The following TRDN variants were observed in gnomAD, a reference collection of about 807,000 sequenced individuals.
TRDN encodes triadin in skeletal muscle.
A neutral mutation model predicts 149.7 loss-of-function variants in TRDN; 161 were observed. That is an observed-to-expected ratio of 1.08 (90% confidence interval 0.95 to 1.23). The LOEUF is 1.23. Ranked by LOEUF, TRDN falls within the 50% of genes most tolerant of loss-of-function variation. The pLI, the probability that TRDN is intolerant of heterozygous loss-of-function variation, is 0.00. For missense variants in TRDN, 896 were observed against 823.5 expected, an observed-to-expected ratio of 1.09 and a Z score of -1.08; for synonymous variants, 294 against 250.5, an observed-to-expected ratio of 1.17 and a Z score of -1.64.
At chr6:123,242,978 A>T (rs556299946) in intron 38 of TRDN, among the ~76,000 whole-genome samples, 3 of 152,254 alleles carry the variant, frequency 2.0e-5, no homozygotes, top group African/African-American at 7.2e-5. Flanking sequence ...CTCCAAAAGG[A>T]CTGTGTCCTG....
intron 10 of TRDN, among the ~76,000 whole-genome samples, chr6:123,461,066 T>C (rs1000271459): frequency 6.6e-6 from 1 of 152,178 alleles, no homozygotes; most frequent in African/African-American, 2.4e-5. Context: ...TAGGGTTCAC[T>C]CTGTTCTTCT....
Position 123,551,687 on chromosome 6 carries a change from C to CT in TRDN, c.233-3076dup, listed in dbSNP as rs529797335. On this transcript the variant is annotated intron_variant, in intron 2 of 40. Coordinates refer to ENST00000334268, the MANE Select transcript of TRDN (RefSeq NM_006073.4). ...ATGACATAGGTATATTATTTTATAC[C>CT]TTTTTTAAAAACATAGGAAAACTAA... Among the ~76,000 whole-genome samples, 8 of 151,642 alleles carry CT rather than the reference C, an allele frequency of 5.3e-5. No homozygotes were observed. The South Asian group carries it at 1.5e-3, about 28-fold the overall frequency.
At chr6:123,558,595 GC>G (rs999447411) in intron 2 of TRDN, among the ~76,000 whole-genome samples, 10 of 152,028 alleles carry the variant, frequency 6.6e-5, no homozygotes, top group Non-Finnish European at 1.5e-4. Context: ...ATGCTTTACA[GC>G]CCTATACCCT....
intron 1 of TRDN, among the ~76,000 whole-genome samples, chr6:123,630,034 G>C (rs1785902748): frequency 1.3e-5 from 2 of 151,958 alleles, no homozygotes; most frequent in Non-Finnish European, 2.9e-5. Context: ...GTGGGAACTG[G>C]AGACAGCAAA....
chr6:123,420,169 C>G lies in TRDN; in HGVS notation c.1051+17894G>C, dbSNP rs535852235. Reference sequence around the variant, plus strand: ...GGGCTTTAATAAACAAAATTACAATCATCTTAAATGATCTAATTGCTATTT... The same window carrying G: ...GGGCTTTAATAAACAAAATTACAATGATCTTAAATGATCTAATTGCTATTT... On this transcript the variant is annotated intron_variant, in intron 12 of 40. Coordinates refer to ENST00000334268, the MANE Select transcript of TRDN (RefSeq NM_006073.4). Among the ~76,000 whole-genome samples, 4 of 152,260 alleles carry G rather than the reference C, an allele frequency of 2.6e-5. No homozygotes were observed. The East Asian group carries it at 7.7e-4, about 29-fold the overall frequency.
chr6:123,603,481 G>T (rs1784374255), intron 1 of TRDN, among the ~76,000 whole-genome samples: 1 of 151,614 alleles, frequency 6.6e-6, no homozygotes, highest in Non-Finnish European at 1.5e-5. Context: ...TTATACCATA[G>T]CTAAATATTA....
rs1390022244 is a variant in TRDN at position 123,620,479 on chromosome 6, C to T, written c.22+16275G>A. Among the ~76,000 whole-genome samples the T allele has an allele frequency of 3.3e-5, 5 of 152,126 alleles. No homozygotes were observed. In the East Asian group the frequency reaches 9.7e-4, roughly 29 times the overall value. ...TCACATGCATTCATACATTTTGACC[C>T]AAATCAAAAAACAGGAAAGAATGCC... On this transcript the variant is annotated intron_variant, in intron 1 of 40. Transcript: ENST00000334268.
intron 20 of TRDN, among the ~76,000 whole-genome samples, chr6:123,357,729 T>A (rs112252800): frequency 6.6e-6 from 1 of 152,084 alleles, no homozygotes; most frequent in Admixed American, 6.5e-5. Flanking sequence ...AAATACATAT[T>A]TTTTAGTTAT....
At chr6:123,394,347 T>A (rs2114464147) in intron 12 of TRDN, among the ~76,000 whole-genome samples, 1 of 152,196 alleles carries the variant, frequency 6.6e-6, no homozygotes, top group African/African-American at 2.4e-5. Flanking sequence ...ATATACTTAA[T>A]CAGAATGGGA....
chr6:123,542,855 T>C (rs1053599024), intron 4 of TRDN, among the ~76,000 whole-genome samples: 11 of 121,350 alleles, frequency 9.1e-5, no homozygotes, highest in African/African-American at 3.8e-4. Flanking sequence ...TGTGTGCATG[T>C]TTGCGTGTGT....
chr6:123,420,840 A>C (rs75619203), intron 12 of TRDN, among the ~76,000 whole-genome samples: 3,470 of 152,314 alleles, frequency 0.023, 112 homozygotes, highest in East Asian at 0.079. Context: ...ATTATAAATT[A>C]ATGGAAAAAA....
At chr6:123,417,360 AC>A (rs1773700032) in intron 12 of TRDN, among the ~76,000 whole-genome samples, 1 of 152,170 alleles carries the variant, frequency 6.6e-6, no homozygotes, top group African/African-American at 2.4e-5. Context: ...ATTTGGTTTT[AC>A]TTTCAGCTAA....
chr6:123,259,590 A>C (rs749651351), intron 35 of TRDN, 34 bp downstream of exon 35: 2 of 1,388,826 alleles, frequency 1.4e-6, no homozygotes, highest in African/African-American at 1.5e-5. Context: ...TTTGTGGCTA[A>C]TTTGATGTAT....
intron 1 of TRDN, among the ~76,000 whole-genome samples, chr6:123,579,897 C>T (rs955407073): frequency 6.6e-6 from 1 of 152,160 alleles, no homozygotes; most frequent in Non-Finnish European, 1.5e-5. Flanking sequence ...CTTCTTGCTA[C>T]CCTGAAAAGA....
At chr6:123,484,296 C>T (rs1230599322) in intron 9 of TRDN, among the ~76,000 whole-genome samples, 2 of 152,044 alleles carry the variant, frequency 1.3e-5, no homozygotes, top group Non-Finnish European at 2.9e-5. Flanking sequence ...AAGAACTATG[C>T]ATTTATGGAA....
intron 23 of TRDN, among the ~76,000 whole-genome samples, chr6:123,320,019 A>T (rs1247436854): frequency 6.6e-6 from 1 of 152,120 alleles, no homozygotes; most frequent in African/African-American, 2.4e-5. Context: ...TTGTCTTCAT[A>T]AAAAGAAAAG....
Position 123,636,794 on chromosome 6 carries a change from AAGTC to A in TRDN, c.-23_-20del, listed in dbSNP as rs1374907856. 9.9e-6 allele frequency: 16 copies of A among 1,611,404 alleles called. No individual in the cohort carries two copies. In the Admixed American group the frequency reaches 1.0e-4, roughly 10 times the overall value. ...CAGTCATGGTGGTCGTCAAAAGTAA[AAGTC>A]AGTTGAAAAGTTCCCGTCAAGTTGC... On this transcript the variant is annotated 5_prime_UTR_variant, in exon 1 of 41. Coordinates refer to ENST00000334268, the MANE Select transcript of TRDN (RefSeq NM_006073.4).
At chr6:123,317,632 C>T (rs774457522) in intron 23 of TRDN, among the ~76,000 whole-genome samples, 3 of 151,838 alleles carry the variant, frequency 2.0e-5, no homozygotes, top group Non-Finnish European at 4.4e-5. Context: ...GGTAGATACA[C>T]CCTATTTTAA....
intron 12 of TRDN, among the ~76,000 whole-genome samples, chr6:123,406,911 G>A (rs1304598577): frequency 6.6e-6 from 1 of 152,096 alleles, no homozygotes; most frequent in Non-Finnish European, 1.5e-5. Flanking sequence ...GGGTTGGCTG[G>A]TAGGGTAATC....
Sources: allele counts gnomAD v4.1 joint callset (sites outside exome capture counted in the v4.1 genomes callset), GRCh38; gene constraint gnomAD v4.1.1; transcripts MANE v1.5; gene names NCBI Gene and HGNC (gene_info 2026-07-23, HGNC 2026-07-21).